MAGI2: variants seen among roughly 807,000 people sequenced by gnomAD.
MAGI2 encodes the protein membrane-associated guanylate kinase, WW and PDZ domain-containing protein 2.
In MAGI2, 35 loss-of-function variants were observed where a neutral mutation model predicts 133.3. The ratio of observed to expected loss-of-function variants is 0.26; its 90% CI spans 0.20 to 0.35. The LOEUF is 0.35. Among genes scored for constraint, MAGI2 ranks in the 10% least tolerant of loss-of-function variants. MAGI2 has a pLI of 1.00. For synonymous variants in MAGI2, 729 were observed against 710.6 expected, an observed-to-expected ratio of 1.03 and a Z score of -0.41; for missense variants, 1,636 against 1,863.4, an observed-to-expected ratio of 0.88 and a Z score of 2.25.
intron 2 of MAGI2, among the ~76,000 whole-genome samples, chr7:78,913,696 G>C (rs1001080319): frequency 6.6e-6 from 1 of 152,122 alleles, no homozygotes; most frequent in African/African-American, 2.4e-5. Context: ...TTGACTTGCT[G>C]TTATGTTCCA....
At chr7:78,356,479 TC>T (rs1476602354) in intron 7 of MAGI2, among the ~76,000 whole-genome samples, 1 of 152,168 alleles carries the variant, frequency 6.6e-6, no homozygotes, top group Non-Finnish European at 1.5e-5. Flanking sequence ...TATTGAATGT[TC>T]CCAACACAAA....
intron 9 of MAGI2, among the ~76,000 whole-genome samples, chr7:78,295,889 T>C (rs183371666): frequency 1.8e-3 from 270 of 152,316 alleles, no homozygotes; most frequent in African/African-American, 6.0e-3. Context: ...GGTACCGTTA[T>C]TCAGGACAAA....
At chr7:78,792,618 C>G (rs4730496) in intron 2 of MAGI2, among the ~76,000 whole-genome samples, 122,787 of 151,754 alleles carry the variant, frequency 0.81, 50,913 homozygotes, top group East Asian at 0.96. Context: ...GTTCCTTCTT[C>G]TATTATTTTA....
chr7:78,322,890 T>C (rs552024040), intron 9 of MAGI2, among the ~76,000 whole-genome samples: 2 of 152,232 alleles, frequency 1.3e-5, no homozygotes, highest in South Asian at 4.1e-4. Context: ...TATATACATA[T>C]ATATATGTTT....
intron 2 of MAGI2, among the ~76,000 whole-genome samples, chr7:78,714,368 C>T (rs148130254): frequency 2.9e-4 from 44 of 152,258 alleles, no homozygotes; most frequent in African/African-American, 9.9e-4. Flanking sequence ...ACAGCAAGGG[C>T]TGTGCTGAGC....
At chr7:79,258,391 A>G (rs1054518106) in intron 1 of MAGI2, among the ~76,000 whole-genome samples, 2 of 152,232 alleles carry the variant, frequency 1.3e-5, no homozygotes, top group Non-Finnish European at 2.9e-5. Context: ...CAGACACTTC[A>G]TTATATTACT....
At chr7:78,480,467 T>C (rs190315439) in intron 6 of MAGI2, among the ~76,000 whole-genome samples, 22 of 151,634 alleles carry the variant, frequency 1.5e-4, no homozygotes, top group South Asian at 2.1e-4. Context: ...CACAGACACA[T>C]AGACACAAAA....
intron 1 of MAGI2, among the ~76,000 whole-genome samples, chr7:79,163,936 T>A (rs1040038560): frequency 3.9e-5 from 6 of 152,100 alleles, no homozygotes; most frequent in African/African-American, 1.2e-4. Context: ...TTCTTTTTTT[T>A]AGACTAAACC....
At chr7:78,867,998 A>G (rs1278247013) in intron 2 of MAGI2, among the ~76,000 whole-genome samples, 1 of 152,206 alleles carries the variant, frequency 6.6e-6, no homozygotes, top group Non-Finnish European at 1.5e-5. Flanking sequence ...GCTGAGAAAA[A>G]AAAAGAATGT....
intron 1 of MAGI2, among the ~76,000 whole-genome samples, chr7:79,409,664 G>A (rs950301191): frequency 2.0e-5 from 3 of 151,772 alleles, no homozygotes; most frequent in Non-Finnish European, 4.4e-5. Context: ...TGAGTCCTAA[G>A]GCAAGTGGCA....
At chr7:79,200,610 CA>C (rs202079172) in intron 1 of MAGI2, among the ~76,000 whole-genome samples, 11,256 of 127,596 alleles carry the variant, frequency 0.088, 1,113 homozygotes, top group African/African-American at 0.25. Flanking sequence ...GACCCCATCT[CA>C]AAAAAAAAAA....
At chr7:78,398,615 AG>A (rs1450402739) in intron 6 of MAGI2, among the ~76,000 whole-genome samples, 1 of 152,010 alleles carries the variant, frequency 6.6e-6, no homozygotes, top group Non-Finnish European at 1.5e-5. Flanking sequence ...TCTATAACCC[AG>A]GAATGTCTTT....
intron 2 of MAGI2, among the ~76,000 whole-genome samples, chr7:78,902,291 T>A (rs961967497): frequency 3.3e-5 from 5 of 152,198 alleles, no homozygotes; most frequent in Non-Finnish European, 7.3e-5. Flanking sequence ...ATATGAATAC[T>A]CTCATATTGC....
intron 1 of MAGI2, chr7:79,354,244 C>T (rs973005094): frequency 1.3e-5 from 2 of 152,284 alleles, no homozygotes; most frequent in African/African-American, 4.8e-5. Context: ...CCTGCCAACA[C>T]CCAGAGCCCT....
intron 9 of MAGI2, among the ~76,000 whole-genome samples, chr7:78,342,079 T>C (rs1790437350): frequency 6.6e-6 from 1 of 151,194 alleles, no homozygotes; most frequent in Non-Finnish European, 1.5e-5. Flanking sequence ...AGGGCTAATA[T>C]CCAGAATCTA....
chr7:78,929,872 A>G (rs1018121294), intron 2 of MAGI2, among the ~76,000 whole-genome samples: 11 of 152,118 alleles, frequency 7.2e-5, no homozygotes, highest in African/African-American at 2.7e-4. Context: ...AAGAAGCAAA[A>G]TAGACCTTCT....
chr7:78,331,331 C>CA (rs11443088), intron 9 of MAGI2, among the ~76,000 whole-genome samples: 90,494 of 151,740 alleles, frequency 0.6, 27,418 homozygotes, highest in African/African-American at 0.67. Flanking sequence ...ATGTAACAAA[C>CA]CTGCACAGGT....
intron 2 of MAGI2, among the ~76,000 whole-genome samples, chr7:78,692,232 A>T (rs548501999): frequency 2.0e-4 from 30 of 152,342 alleles, no homozygotes; most frequent in Admixed American, 3.3e-4. Flanking sequence ...ATGTTTGTAA[A>T]TAAACATACA....
At chr7:78,775,016 G>T (rs1043048092) in intron 2 of MAGI2, among the ~76,000 whole-genome samples, 16 of 152,090 alleles carry the variant, frequency 1.1e-4, no homozygotes, top group African/African-American at 3.1e-4. Flanking sequence ...CATATATATA[G>T]AAGCCTAAAG....
Sources: gnomAD v4.1 joint callset for allele counts (sites outside exome capture counted in the v4.1 genomes callset) on GRCh38, gnomAD v4.1.1 for gene constraint, MANE v1.5 for transcripts, NCBI Gene and HGNC (gene_info 2026-07-23, HGNC 2026-07-21) for gene names.